The following MACO1 variants were observed in gnomAD, a reference collection of about 807,000 sequenced individuals.
MACO1 encodes macoilin 1.
In MACO1, 14 loss-of-function variants were observed where a neutral mutation model predicts 78.7. The observed-to-expected ratio is 0.18, with a 90% CI of 0.12 to 0.28. The LOEUF (loss-of-function observed/expected upper bound fraction) is 0.28, where lower values mean the gene tolerates loss of function less well. MACO1 is among the 10% of genes least tolerant of loss of function. MACO1 has a pLI of 1.00. For synonymous variants in MACO1, 288 were observed against 291.6 expected (o/e 0.99, Z 0.12); for missense variants, 501 against 799.0 (o/e 0.63, Z 4.50).
intron 5 of MACO1, among the ~76,000 whole-genome samples, chr1:25,457,723 G>T (rs553367121): frequency 1.3e-5 from 2 of 152,254 alleles, no homozygotes; most frequent in East Asian, 3.9e-4. Context: ...TTGAAAGTTT[G>T]AGGTCATGTT....
chr1:25,469,633 C>G (rs1479278907), intron 6 of MACO1, among the ~76,000 whole-genome samples: 1 of 127,450 alleles, frequency 7.8e-6, no homozygotes, highest in East Asian at 2.2e-4. Flanking sequence ...TAACCTCTGA[C>G]TTTTTTTTTT....
intron 2 of MACO1, 58 bp downstream of exon 2, chr1:25,446,961 A>G (rs963838322): frequency 8.4e-6 from 13 of 1,550,772 alleles, no homozygotes; most frequent in African/African-American, 1.4e-5. Flanking sequence ...TTTAGAGTAG[A>G]TGTTATTAGC....
chr1:25,432,319 C>A (rs1201967910), intron 1 of MACO1, among the ~76,000 whole-genome samples: 1 of 152,174 alleles, frequency 6.6e-6, no homozygotes, highest in East Asian at 1.9e-4. Context: ...TTGCTTTCCA[C>A]AAGCAGCTGA....
Position 25,459,070 on chromosome 1 carries a change from G to T in MACO1, c.1154+178G>T, listed in dbSNP as rs561039755. ...TTATTGTGTTGAAGCATTGATTTCA[G>T]CTCTTTGCAGTGTTCTGAATAATGA... On this transcript the variant is annotated intron_variant, in intron 6 of 10. Transcript: ENST00000374343. 5.3e-5 allele frequency among the ~76,000 whole-genome samples: 8 copies of T among 152,284 alleles called. No homozygotes were observed. The South Asian group carries it at 1.7e-3, about 32-fold the overall frequency.
chr1:25,459,486 A>AT (rs2043152583), intron 6 of MACO1, among the ~76,000 whole-genome samples: 7 of 77,126 alleles, frequency 9.1e-5, no homozygotes, highest in Non-Finnish European at 1.9e-4. Flanking sequence ...TAATTAAAAG[A>AT]ATTTTTTTTT....
At chr1:25,493,690 C>A (rs1392163516) in intron 10 of MACO1, among the ~76,000 whole-genome samples, 1 of 148,430 alleles carries the variant, frequency 6.7e-6, no homozygotes. Context: ...TTTAGCAGAT[C>A]TCTTTAATGT....
At chr1:25,486,589 G>T (rs902429781) in intron 8 of MACO1, among the ~76,000 whole-genome samples, 1 of 152,030 alleles carries the variant, frequency 6.6e-6, no homozygotes, top group East Asian at 1.9e-4. Flanking sequence ...TTGTATCTAC[G>T]TGGTATAATT....
Position 25,458,749 on chromosome 1 carries a change from C to T in MACO1, c.1011C>T (p.Ser337=), listed in dbSNP as rs199864338. The T allele has an allele frequency of 3.0e-5, 48 of 1,613,974 alleles. No homozygotes were observed. The South Asian group carries it at 3.8e-4, about 13-fold the overall frequency. The change falls in exon 6 of 11, where the codon AGC becomes AGT. Residue 337 remains serine (S), a synonymous_variant. Coordinates refer to ENST00000374343, the MANE Select transcript of MACO1 (RefSeq NM_018202.6). ...TGAACTCTTCACCTCGAAGTCATAG[C>T]GCCACAAATGGGAGCATTCCTTCCT... The part of the protein sequence containing the change: ...GVVNSSPRSH[S]ATNGSIPSSS...
At chr1:25,451,361 CTG>C (rs1007387406) in intron 3 of MACO1, among the ~76,000 whole-genome samples, 1 of 152,054 alleles carries the variant, frequency 6.6e-6, no homozygotes, top group Non-Finnish European at 1.5e-5. Context: ...GGATATAAAA[CTG>C]TACGTACAAT....
chr1:25,462,676 C>CA (rs1328182688), intron 6 of MACO1, among the ~76,000 whole-genome samples: 1 of 152,152 alleles, frequency 6.6e-6, no homozygotes, highest in East Asian at 1.9e-4. Flanking sequence ...TTTTGAGAAA[C>CA]CAATTCAGTG....
At chr1:25,454,037 T>C (rs1236326387) in intron 3 of MACO1, among the ~76,000 whole-genome samples, 1 of 152,224 alleles carries the variant, frequency 6.6e-6, no homozygotes, top group Non-Finnish European at 1.5e-5. Context: ...TTACATACAT[T>C]GTAAATATTT....
At chr1:25,454,466 GTGTGTATA>G (rs1360511087) in intron 4 of MACO1, 84 bp downstream of exon 4, 19 of 174,592 alleles carry the variant, frequency 1.1e-4, no homozygotes, top group Middle Eastern at 2.5e-3. Flanking sequence ...GTGTGTGTGT[GTGTGTATA>G]TATATATATA....
intron 1 of MACO1, among the ~76,000 whole-genome samples, chr1:25,437,123 C>G (rs1471747542): frequency 7.0e-6 from 1 of 143,582 alleles, no homozygotes; most frequent in African/African-American, 2.7e-5. Flanking sequence ...TTACGTTGTT[C>G]ATCTTCAAAA....
At chr1:25,460,022 G>C (rs1389783072) in intron 6 of MACO1, among the ~76,000 whole-genome samples, 1 of 152,152 alleles carries the variant, frequency 6.6e-6, no homozygotes, top group East Asian at 1.9e-4. Flanking sequence ...TAGGCAGTCC[G>C]TTTATTCTAG....
At chr1:25,486,151 G>A (rs1157355697) in intron 8 of MACO1, among the ~76,000 whole-genome samples, 1 of 152,114 alleles carries the variant, frequency 6.6e-6, no homozygotes, top group Non-Finnish European at 1.5e-5. Context: ...CCTTTAGAGA[G>A]CTATCATTAC....
At chr1:25,491,244 T>C (rs2043483045) in intron 9 of MACO1, 166 bp from the exon 10 acceptor site, 1 of 294,472 alleles carries the variant, frequency 3.4e-6, no homozygotes, top group Non-Finnish European at 5.0e-6. Flanking sequence ...ATGTGCTTAT[T>C]GCCATATAAA....
intron 1 of MACO1, among the ~76,000 whole-genome samples, chr1:25,445,734 A>G (rs1451933970): frequency 1.3e-5 from 2 of 152,166 alleles, no homozygotes. Context: ...TCACATCAGT[A>G]TTGGAATATT....
chr1:25,485,488 C>T lies in MACO1; in HGVS notation c.1314-125C>T, dbSNP rs2043421420. On this transcript the variant is annotated intron_variant, in intron 7 of 10. Transcript: ENST00000374343. The surrounding 1 kb of genome is among the most constrained non-coding windows in gnomAD (Gnocchi z 4.3). ...TTTCCTCAGGCATTCTGGGCATTGACATTTTTGATTTGCTGTTCAAACCTC... is the reference window on the plus strand; with the variant it reads ...TTTCCTCAGGCATTCTGGGCATTGATATTTTTGATTTGCTGTTCAAACCTC... The T allele has an allele frequency of 4.3e-6, 4 of 939,160 alleles. No homozygotes were observed. The highest frequency in any genetic ancestry group is 6.3e-6 in the Non-Finnish European group (4 of 636,100). 58.2% of individuals were successfully genotyped at this position (939,160 alleles called of 1,614,324 possible). A position where few individuals can be genotyped will look rare whatever the true frequency, so the allele number is the denominator to read the frequency against.
chr1:25,487,463 T>G (rs529845950), intron 8 of MACO1, among the ~76,000 whole-genome samples: 1 of 152,230 alleles, frequency 6.6e-6, no homozygotes, highest in Non-Finnish European at 1.5e-5. Flanking sequence ...TGCCATAATT[T>G]ATTCAGTAAA....
Sources: allele counts gnomAD v4.1 joint callset (sites outside exome capture counted in the v4.1 genomes callset), GRCh38; gene constraint gnomAD v4.1.1; non-coding constraint Gnocchi (gnomAD v3.1); transcripts MANE v1.5; gene names NCBI Gene and HGNC (gene_info 2026-07-23, HGNC 2026-07-21).